The following ADGRA2 variants were observed in gnomAD, a reference collection of about 807,000 sequenced individuals.
ADGRA2 encodes the protein G-protein coupled receptor 124.
Under a neutral mutation model 98.7 loss-of-function variants are expected in ADGRA2, and 61 were observed. The observed-to-expected ratio is 0.62, with a 90% CI of 0.50 to 0.76. The LOEUF (loss-of-function observed/expected upper bound fraction) is 0.76, where lower values mean the gene tolerates loss of function less well. ADGRA2 is among the 30% of genes least tolerant of loss of function. The probability of loss-of-function intolerance (pLI) is 0.00; values close to 1 mark genes in which losing one functional copy is unlikely to be tolerated. For missense variants in ADGRA2, 1,712 were observed against 1,860.0 expected, an observed-to-expected ratio of 0.92 and a Z score of 1.46; for synonymous variants, 858 against 831.5, an observed-to-expected ratio of 1.03 and a Z score of -0.55.
chr8:37,798,063 G>T (rs1804391011), intron 1 of ADGRA2, among the ~76,000 whole-genome samples: 1 of 152,140 alleles, frequency 6.6e-6, no homozygotes, highest in Non-Finnish European at 1.5e-5. Flanking sequence ...GCCGCTTCCA[G>T]CCGGTCTCCT....
intron 1 of ADGRA2, among the ~76,000 whole-genome samples, chr8:37,807,788 G>T (rs1342817521): frequency 6.6e-6 from 1 of 152,156 alleles, no homozygotes; most frequent in East Asian, 1.9e-4. Context: ...ACCGATGGAG[G>T]CTCCAGGATC....
chr8:37,844,889 T>G lies in ADGRA2; in HGVS notation c.*2534T>G. On this transcript the variant is annotated 3_prime_UTR_variant, in exon 19 of 19. Coordinates refer to ENST00000412232, the MANE Select transcript of ADGRA2 (RefSeq NM_032777.10). ...GCTTCACCACAGACCGTTTGTCAAGTCTCAGAACTCGTAACCAGGCCAGCT... is the reference window on the plus strand; with the variant it reads ...GCTTCACCACAGACCGTTTGTCAAGGCTCAGAACTCGTAACCAGGCCAGCT... 3.1e-6 allele frequency: 5 copies of G among 1,614,158 alleles called. No homozygotes were observed. Among genetic ancestry groups the G allele is most frequent in the Non-Finnish European group, 4.2e-6 (5 of 1,180,014 alleles).
chr8:37,832,344 C>T (rs1563349173), intron 8 of ADGRA2, among the ~76,000 whole-genome samples: 2 of 152,076 alleles, frequency 1.3e-5, no homozygotes, highest in African/African-American at 2.4e-5. Context: ...TGAGCCACTG[C>T]GACTTTTTTT....
rs1805793142 is a variant in ADGRA2, at chr8:37,841,580, G to A, written c.3242G>A (p.Arg1081His). 6.3e-7 allele frequency: 1 copy of A among 1,587,536 alleles called. No individual in the cohort carries two copies. Among genetic ancestry groups the A allele is most frequent in the African/African-American group, 1.3e-5 (1 of 74,656 alleles). ...CGGAGGGACGTGAGAGCCTCGTGGC[G>A]CGCCTGCTGCCCCCCTGCCTCTCCC... ...ARRRDVRASWRACCPPASPAA... is the reference protein window; with the variant it reads ...ARRRDVRASWHACCPPASPAA... Residue 1081 changes from arginine to histidine, a missense_variant, in exon 19 of 19, where the codon CGC becomes CAC. By Grantham distance (29) the Arg-to-His change is conservative (BLOSUM62 0). Transcript: ENST00000412232. This position sits in a 1 kb window ranked among gnomAD's most constrained non-coding sequence, Gnocchi z 5.0.
At position 37,841,348 on chromosome 8, in the gene ADGRA2, G is replaced by T. The variant is rs1805784854; in HGVS notation, c.3010G>T (p.Gly1004Trp). ...TGGGAGCGCGCGAGTGGGGACGCCC[G>T]GGCCCCCGGAGGATGGTGACAGCCT... is the stretch of plus-strand genomic sequence containing the variant. Reference protein sequence around the residue: ...ATGSARVGTPGPPEDGDSLYS... With the variant: ...ATGSARVGTPWPPEDGDSLYS... The change falls in exon 19 of 19, where the codon GGG (glycine) becomes TGG (tryptophan). Residue 1004 changes from glycine to tryptophan, a missense_variant. By Grantham distance (184) the Gly-to-Trp change is radical. Coordinates refer to ENST00000412232, the MANE Select transcript of ADGRA2 (RefSeq NM_032777.10). This position sits in a 1 kb window ranked among gnomAD's most constrained non-coding sequence, Gnocchi z 5.0. The T allele has an allele frequency of 6.2e-7, 1 of 1,605,654 alleles. No individual in the cohort carries two copies. Among genetic ancestry groups the T allele is most frequent in the African/African-American group, 1.3e-5 (1 of 74,806 alleles).
At chr8:37,839,225 A>G in intron 15 of ADGRA2, 142 bp downstream of exon 15, 1 of 1,286,198 alleles carries the variant, frequency 7.8e-7, no homozygotes, top group Non-Finnish European at 1.1e-6. Context: ...AGGTGTAGGA[A>G]ACCTCCCAGC....
intron 2 of ADGRA2, among the ~76,000 whole-genome samples, chr8:37,821,904 CTG>C (rs1805138270): frequency 6.6e-6 from 1 of 152,144 alleles, no homozygotes; most frequent in Non-Finnish European, 1.5e-5. Flanking sequence ...TTCCATTAGT[CTG>C]TGGGTGGGGC....
chr8:37,800,469 A>C (rs1585960504), intron 1 of ADGRA2, among the ~76,000 whole-genome samples: 1 of 152,200 alleles, frequency 6.6e-6, no homozygotes, highest in East Asian at 1.9e-4. Context: ...ATTTGCTGAG[A>C]TCTCTAGGGA....
At chr8:37,837,383 C>T (rs1005735367) in intron 13 of ADGRA2, among the ~76,000 whole-genome samples, 4 of 140,580 alleles carry the variant, frequency 2.8e-5, no homozygotes, top group African/African-American at 7.8e-5. Flanking sequence ...CTCCTCCCTT[C>T]GCCTGGCTTC....
chr8:37,834,540 G>A lies in ADGRA2; in HGVS notation c.1608+412G>A, dbSNP rs554552270. ...GTGTATGTTCAAGATATTGTGCTAG[G>A]CCCTTGGGGCGATGCAAAGGGGTGA... On this transcript the variant is annotated intron_variant, in intron 11 of 18. Transcript: ENST00000412232. This position sits in a 1 kb window ranked among gnomAD's most constrained non-coding sequence, Gnocchi z 4.2. Among the ~76,000 whole-genome samples, 5 of 152,318 alleles carry A rather than the reference G, an allele frequency of 3.3e-5. No homozygotes were observed. The highest frequency in any genetic ancestry group is 1.2e-4 in the African/African-American group (5 of 41,568).
At chr8:37,833,882 C>T (rs774233278) in intron 10 of ADGRA2, 45 bp downstream of exon 10, 2 of 1,609,980 alleles carry the variant, frequency 1.2e-6, no homozygotes, top group Non-Finnish European at 8.5e-7. Context: ...CGCCCCCATC[C>T]CTCATTTGCT....
At chr8:37,806,021 T>C (rs1804648320) in intron 1 of ADGRA2, among the ~76,000 whole-genome samples, 1 of 151,626 alleles carries the variant, frequency 6.6e-6, no homozygotes, top group Non-Finnish European at 1.5e-5. Flanking sequence ...CTCAAAGAGG[T>C]CTGCTTTCTT....
Position 37,814,702 on chromosome 8 carries a change from T to C in ADGRA2, c.267-194T>C, listed in dbSNP as rs1585975536. ...TTGGAGGAGACTCAGGGCAGGAAGG[T>C]CTGACGTGGGGCTGGGTGGACCGTT... On this transcript the variant is annotated intron_variant, in intron 1 of 18. Coordinates refer to ENST00000412232, the MANE Select transcript of ADGRA2 (RefSeq NM_032777.10). This position sits in a 1 kb window ranked among gnomAD's most constrained non-coding sequence, Gnocchi z 4.3. Among the ~76,000 whole-genome samples, 1 of 152,116 alleles carries C rather than the reference T, an allele frequency of 6.6e-6. No homozygotes were observed. Among genetic ancestry groups the C allele is most frequent in the Non-Finnish European group, 1.5e-5 (1 of 68,022 alleles).
At chr8:37,833,281 C>A in intron 9 of ADGRA2, 73 bp downstream of exon 9, 1 of 1,216,666 alleles carries the variant, frequency 8.2e-7, no homozygotes, top group South Asian at 1.4e-5. Context: ...ACCTAACGGG[C>A]AAGGGGAGCC....
chr8:37,805,069 G>C (rs974312064), intron 1 of ADGRA2, among the ~76,000 whole-genome samples: 3 of 152,254 alleles, frequency 2.0e-5, no homozygotes, highest in African/African-American at 7.2e-5. Flanking sequence ...GGCTCACTCA[G>C]AGAAGGATGG....
rs1375630100 is a variant in ADGRA2 at position 37,835,746 on chromosome 8, A to AC, written c.2031dup (p.Val678ArgfsTer27). The AC allele has an allele frequency of 2.5e-6, 4 of 1,612,070 alleles. No individual in the cohort carries two copies. The highest frequency in any genetic ancestry group is 2.5e-6 in the Non-Finnish European group (3 of 1,179,022). On this transcript the variant is annotated frameshift_variant, in exon 13 of 19. Transcript: ENST00000412232. LOFTEE classifies it high-confidence loss of function. ...GCCTGGCAAGAGGCGTGGCGTGGCC[A>AC]CCCCCGTCATCTTCGCAGGAACCAG...
At chr8:37,816,002 T>C (rs1052863238) in intron 2 of ADGRA2, among the ~76,000 whole-genome samples, 1 of 152,198 alleles carries the variant, frequency 6.6e-6, no homozygotes, top group Non-Finnish European at 1.5e-5. Flanking sequence ...TTGGCCCCTC[T>C]AGCGCCATTT....
rs1804916394 is a variant in ADGRA2 at position 37,814,139 on chromosome 8, C to T, written c.267-757C>T. ...GGATCTCCCTCCTCCCAGCAGGGAG[C>T]TTGGCAGAGAAAGGCTGAGTGGGTG... On this transcript the variant is annotated intron_variant, in intron 1 of 18. Coordinates refer to ENST00000412232, the MANE Select transcript of ADGRA2 (RefSeq NM_032777.10). The surrounding 1 kb of genome is among the most constrained non-coding windows in gnomAD (Gnocchi z 4.3). Among the ~76,000 whole-genome samples the T allele has an allele frequency of 6.6e-6, 1 of 152,206 alleles. No homozygotes were observed. Among genetic ancestry groups the T allele is most frequent in the Admixed American group, 6.5e-5 (1 of 15,282 alleles).
At chr8:37,823,598 G>C (rs1361713716) in intron 2 of ADGRA2, among the ~76,000 whole-genome samples, 2 of 152,148 alleles carry the variant, frequency 1.3e-5, no homozygotes, top group African/African-American at 2.4e-5. Flanking sequence ...TATATACCTA[G>C]GAGTGGAATT....
Sources: allele counts gnomAD v4.1 joint callset (sites outside exome capture counted in the v4.1 genomes callset), GRCh38; gene constraint gnomAD v4.1.1; non-coding constraint Gnocchi (gnomAD v3.1); transcripts MANE v1.5; gene names NCBI Gene and HGNC (gene_info 2026-07-23, HGNC 2026-07-21).